The following ANKRD6 variants were observed in gnomAD, a reference collection of about 807,000 sequenced individuals.
The protein encoded by ANKRD6 is ankyrin repeat domain-containing protein 6.
A neutral mutation model predicts 82.3 loss-of-function variants in ANKRD6; 56 were observed. The observed-to-expected ratio is 0.68, with a 90% CI of 0.55 to 0.85. The LOEUF is 0.85. Ranked by LOEUF, ANKRD6 falls within the 40% of genes least tolerant of loss-of-function variation. The pLI is 0.00. For missense variants in ANKRD6, 852 were observed against 907.6 expected (o/e 0.94, Z 0.79); for synonymous variants, 347 against 352.1 (o/e 0.99, Z 0.16).
At chr6:89,462,304 G>GT (rs1341736568) in intron 1 of ANKRD6, among the ~76,000 whole-genome samples, 1 of 150,942 alleles carries the variant, frequency 6.6e-6, no homozygotes, top group Non-Finnish European at 1.5e-5. Context: ...AGTTTACAGT[G>GT]TTTATCTTCT....
Position 89,564,416 on chromosome 6 carries a change from G to A in ANKRD6, c.-143-2418G>A, listed in dbSNP as rs181615188. The stretch of plus-strand genomic sequence containing the variant: ...CAAACAAAAAGGAAAATTAATGTGG[G>A]CTGTGCTTGCAAAGGGCTGTTTACC... On this transcript the variant is annotated intron_variant, in intron 1 of 15. Coordinates refer to ENST00000339746, the MANE Select transcript of ANKRD6 (RefSeq NM_001242809.2). 4.1e-3 allele frequency among the ~76,000 whole-genome samples: 624 copies of A among 152,306 alleles called. 6 individuals carry two copies. The highest frequency in any genetic ancestry group is 0.014 in the African/African-American group (599 of 41,566).
chr6:89,513,178 A>G (rs1417785829), intron 1 of ANKRD6, among the ~76,000 whole-genome samples: 1 of 152,202 alleles, frequency 6.6e-6, no homozygotes, highest in Non-Finnish European at 1.5e-5. Context: ...AGCTGGGATT[A>G]CAGGCATGAA....
intron 1 of ANKRD6, among the ~76,000 whole-genome samples, chr6:89,506,524 G>A (rs1158529843): frequency 2.6e-5 from 4 of 151,944 alleles, no homozygotes; most frequent in African/African-American, 4.8e-5. Context: ...CATGTTGGCC[G>A]GGCTGCTCTT....
At chr6:89,559,678 CAG>C in intron 1 of ANKRD6, among the ~76,000 whole-genome samples, 1 of 152,278 alleles carries the variant, frequency 6.6e-6, no homozygotes, top group African/African-American at 2.4e-5. Flanking sequence ...AAGAAATTCC[CAG>C]AGTGGCCGTG....
intron 1 of ANKRD6, among the ~76,000 whole-genome samples, chr6:89,448,979 G>A (rs1291163216): frequency 7.0e-6 from 1 of 142,950 alleles, no homozygotes; most frequent in African/African-American, 2.7e-5. Flanking sequence ...GCAGTGAGCC[G>A]AGATCGCGCC....
chr6:89,629,425 G>A (rs1192291921), intron 15 of ANKRD6, 187 bp downstream of exon 15: 4 of 772,988 alleles, frequency 5.2e-6, no homozygotes, highest in African/African-American at 3.4e-5. Flanking sequence ...TAATAATAAA[G>A]CACTCATTTA....
chr6:89,593,054 A>G (rs1225901542), intron 2 of ANKRD6, among the ~76,000 whole-genome samples: 3 of 152,172 alleles, frequency 2.0e-5, no homozygotes, highest in Non-Finnish European at 4.4e-5. Context: ...AGCCTGGGTG[A>G]CAAAGTGAGA....
intron 5 of ANKRD6, among the ~76,000 whole-genome samples, chr6:89,607,169 C>CA (rs68129491): frequency 0.67 from 91,245 of 135,798 alleles, 31,446 homozygotes; most frequent in Non-Finnish European, 0.79. Flanking sequence ...GACCCGGTCT[C>CA]AAAAAAAAAA....
Position 89,632,677 on chromosome 6 carries a change from C to G in ANKRD6, c.*1673C>G, listed in dbSNP as rs989058247. On this transcript the variant is annotated 3_prime_UTR_variant, in exon 16 of 16. Coordinates refer to ENST00000339746, the MANE Select transcript of ANKRD6 (RefSeq NM_001242809.2). ...CATGTGTTTGGGAGCTTGTCTTGTT[C>G]TCAACTACTACGCAGGTAGACAGTC... 6 of 152,170 alleles carry G rather than the reference C, an allele frequency of 3.9e-5. No homozygotes were observed. The highest frequency in any genetic ancestry group is 1.4e-4 in the African/African-American group (6 of 41,450). The allele number at this position is 152,170 out of a possible 1,614,324, so 9.4% of individuals were successfully genotyped here.
At position 89,599,133 on chromosome 6, in the gene ANKRD6, G is replaced by A. The variant is rs535919933; in HGVS notation, c.219+3119G>A. On this transcript the variant is annotated intron_variant, in intron 3 of 15. Transcript: ENST00000339746. The stretch of plus-strand genomic sequence containing the variant: ...CACACCTGTAATCCCAGTGCTTTGC[G>A]TGGCTATGGAGGAAGGATTGCTTGA... Among the ~76,000 whole-genome samples the A allele has an allele frequency of 4.1e-4, 62 of 152,272 alleles. No individual in the cohort carries two copies. The South Asian group carries it at 0.012, about 29-fold the overall frequency.
intron 1 of ANKRD6, among the ~76,000 whole-genome samples, chr6:89,534,277 G>A (rs1449142805): frequency 2.6e-5 from 4 of 152,082 alleles, no homozygotes; most frequent in African/African-American, 9.7e-5. Flanking sequence ...GATGAGTTGT[G>A]GGAAGTATAA....
chr6:89,533,554 AC>A (rs1415431268), intron 1 of ANKRD6, among the ~76,000 whole-genome samples: 1 of 152,106 alleles, frequency 6.6e-6, no homozygotes, highest in Non-Finnish European at 1.5e-5. Flanking sequence ...CATCTTCAGT[AC>A]TTTTTTCCTC....
At chr6:89,568,975 G>T (rs1789174020) in intron 2 of ANKRD6, among the ~76,000 whole-genome samples, 1 of 150,132 alleles carries the variant, frequency 6.7e-6, no homozygotes, top group Non-Finnish European at 1.5e-5. Flanking sequence ...CTGTTGCCCA[G>T]GCAGGAGAGC....
intron 1 of ANKRD6, among the ~76,000 whole-genome samples, chr6:89,498,936 AG>A (rs1164324076): frequency 6.6e-6 from 1 of 152,176 alleles, no homozygotes; most frequent in Admixed American, 6.5e-5. Flanking sequence ...TGGCTTTCTC[AG>A]GGCCCATTCC....
At chr6:89,525,720 C>A (rs1398786609) in intron 1 of ANKRD6, among the ~76,000 whole-genome samples, 1 of 152,136 alleles carries the variant, frequency 6.6e-6, no homozygotes, top group African/African-American at 2.4e-5. Context: ...TGCACATGAA[C>A]AATGAGTAAA....
intron 1 of ANKRD6, among the ~76,000 whole-genome samples, chr6:89,456,392 A>G (rs530177520): frequency 6.6e-6 from 1 of 152,306 alleles, no homozygotes; most frequent in African/African-American, 2.4e-5. Context: ...ACGGTTTTGG[A>G]GACTGGAAGT....
At chr6:89,626,456 C>T (rs955928517) in intron 13 of ANKRD6, among the ~76,000 whole-genome samples, 1 of 152,150 alleles carries the variant, frequency 6.6e-6, no homozygotes, top group East Asian at 1.9e-4. Flanking sequence ...AAAACAGCCA[C>T]CTGGAGGAAG....
intron 1 of ANKRD6, among the ~76,000 whole-genome samples, chr6:89,545,162 G>A (rs559151524): frequency 2.1e-5 from 3 of 145,254 alleles, no homozygotes; most frequent in South Asian, 2.2e-4. Context: ...GCAGTGAGCC[G>A]AGATCACGCC....
rs907822056 is a variant in ANKRD6, at chr6:89,618,240, A to T, written c.792+209A>T. On this transcript the variant is annotated intron_variant, in intron 9 of 15. Transcript: ENST00000339746. ...TTCGTGTTCATGCCTGGGCCGCCTCATCTTCTCCCTGTGGCTGGATCTTTG... is the reference window on the plus strand; with the variant it reads ...TTCGTGTTCATGCCTGGGCCGCCTCTTCTTCTCCCTGTGGCTGGATCTTTG... 5.7e-6 allele frequency: 4 copies of T among 696,212 alleles called. No individual in the cohort carries two copies. The Admixed American group carries it at 6.1e-5, about 11-fold the overall frequency. 43.1% of individuals were successfully genotyped at this position (696,212 alleles called of 1,614,324 possible). A position where few individuals can be genotyped will look rare whatever the true frequency, so the allele number is the denominator to read the frequency against.
Sources: allele counts gnomAD v4.1 joint callset (sites outside exome capture counted in the v4.1 genomes callset), GRCh38; gene constraint gnomAD v4.1.1; transcripts MANE v1.5; gene names NCBI Gene and HGNC (gene_info 2026-07-23, HGNC 2026-07-21).